Variants in OTUD7A observed in about 807,000 individuals in gnomAD.
OTUD7A encodes OTU domain-containing protein 7A.
Under a neutral mutation model 65.7 loss-of-function variants are expected in OTUD7A, and 12 were observed. The observed-to-expected ratio is 0.18, with a 90% CI of 0.12 to 0.30. The LOEUF is 0.30. Among genes scored for constraint, OTUD7A ranks in the 10% least tolerant of loss-of-function variants. The pLI, the probability that OTUD7A is intolerant of heterozygous loss-of-function variation, is 1.00. For missense variants in OTUD7A, 1,148 were observed against 1,304.8 expected (o/e 0.88, Z 1.85); for synonymous variants, 641 against 586.3 (o/e 1.09, Z -1.35).
intron 9 of OTUD7A, among the ~76,000 whole-genome samples, 172 bp from the exon 10 acceptor site, chr15:31,502,011 A>G (rs961707777): frequency 6.6e-6 from 1 of 152,148 alleles, no homozygotes; most frequent in African/African-American, 2.4e-5. Context: ...TTCCAGAGTC[A>G]TCTGTCTGCC....
chr15:31,608,927 C>G (rs570870320), intron 3 of OTUD7A, among the ~76,000 whole-genome samples: 1 of 152,214 alleles, frequency 6.6e-6, no homozygotes, highest in Non-Finnish European at 1.5e-5. Flanking sequence ...AGTGCCCAAA[C>G]TGCAGAAGCA....
intron 3 of OTUD7A, among the ~76,000 whole-genome samples, chr15:31,614,627 A>G (rs1189031054): frequency 2.6e-5 from 4 of 152,162 alleles, no homozygotes; most frequent in Non-Finnish European, 5.9e-5. Flanking sequence ...AAGCAGATGC[A>G]AAATAAAAAA....
At chr15:31,699,081 CTT>C (rs570684880) in intron 1 of OTUD7A, among the ~76,000 whole-genome samples, 21 of 128,894 alleles carry the variant, frequency 1.6e-4, no homozygotes, top group Admixed American at 3.3e-4. Flanking sequence ...GTGATTAATA[CTT>C]TTTTTTTTTT....
chr15:31,829,576 C>T (rs117034591), intron 1 of OTUD7A, among the ~76,000 whole-genome samples: 1,578 of 152,266 alleles, frequency 0.01, 14 homozygotes, highest in Non-Finnish European at 0.015. Flanking sequence ...ACCTGTAATG[C>T]GAGGCAAGTA....
chr15:31,834,910 G>A (rs979668565), intron 1 of OTUD7A, among the ~76,000 whole-genome samples: 1 of 152,214 alleles, frequency 6.6e-6, no homozygotes, highest in African/African-American at 2.4e-5. Context: ...CAAGACAAAT[G>A]AAGTGAGATC....
intron 1 of OTUD7A, among the ~76,000 whole-genome samples, chr15:31,865,247 A>G (rs1897848354): frequency 6.6e-6 from 1 of 152,258 alleles, no homozygotes; most frequent in Non-Finnish European, 1.5e-5. Context: ...AAGGCATGAA[A>G]AATTATACAT....
rs1895125299 is a variant in OTUD7A at position 31,767,642 on chromosome 15, C to T, written c.-100+102865G>A. 3 of 764,696 alleles carry T rather than the reference C, an allele frequency of 3.9e-6. No individual in the cohort carries two copies. The African/African-American group carries it at 5.1e-5, about 13-fold the overall frequency. The allele number at this position is 764,696 out of a possible 1,614,324, so 47.4% of individuals were successfully genotyped here. On this transcript the variant is annotated intron_variant, in intron 1 of 12. Coordinates refer to ENST00000307050, the MANE Select transcript of OTUD7A (RefSeq NM_001382637.1). ...CAGGTAGATCAGAATAAAATATCTC[C>T]AAACTTCTTCAACGTCTTCCTGGCT...
intron 1 of OTUD7A, among the ~76,000 whole-genome samples, chr15:31,725,923 C>A (rs1332003880): frequency 6.6e-6 from 1 of 152,072 alleles, no homozygotes; most frequent in Non-Finnish European, 1.5e-5. Flanking sequence ...GATCTGGGGG[C>A]TATGTGTTAC....
At position 31,487,842 on chromosome 15, in the gene OTUD7A, G is replaced by GA. The variant is rs1197930911; in HGVS notation, c.1172-277dup. 6.6e-6 allele frequency among the ~76,000 whole-genome samples: 1 copy of GA among 152,176 alleles called. No homozygotes were observed. The highest frequency in any genetic ancestry group is 2.4e-5 in the African/African-American group (1 of 41,448). ...GATACTCCATTGGGCAGCAGAATGG[G>GA]AAAAAAGCTATTGCTGCCTCTGCTA... On this transcript the variant is annotated intron_variant, in intron 10 of 12. Transcript: ENST00000307050. The surrounding 1 kb of genome is among the most constrained non-coding windows in gnomAD (Gnocchi z 6.0).
chr15:31,592,390 A>G (rs1299669481), intron 3 of OTUD7A, among the ~76,000 whole-genome samples: 1 of 151,794 alleles, frequency 6.6e-6, no homozygotes. Context: ...TAAAAAAAAA[A>G]TTAAACATTT....
At chr15:31,838,504 C>T (rs546059655) in intron 1 of OTUD7A, among the ~76,000 whole-genome samples, 1 of 152,260 alleles carries the variant, frequency 6.6e-6, no homozygotes, top group African/African-American at 2.4e-5. Flanking sequence ...CCCATCTGCA[C>T]CCACTGGTCT....
chr15:31,581,718 T>G (rs961253856), intron 3 of OTUD7A, among the ~76,000 whole-genome samples: 1 of 152,246 alleles, frequency 6.6e-6, no homozygotes, highest in Non-Finnish European at 1.5e-5. Context: ...GCCCTGGGCC[T>G]GGCCCATGAA....
intron 8 of OTUD7A, among the ~76,000 whole-genome samples, chr15:31,513,782 GACT>G (rs1218472091): frequency 2.0e-5 from 3 of 152,194 alleles, no homozygotes; most frequent in Non-Finnish European, 4.4e-5. Flanking sequence ...TGCCCCTGCA[GACT>G]ACTAATTTTT....
intron 3 of OTUD7A, among the ~76,000 whole-genome samples, chr15:31,606,175 C>T (rs1290037169): frequency 6.6e-6 from 1 of 152,186 alleles, no homozygotes; most frequent in East Asian, 1.9e-4. Context: ...GCAGAATAAC[C>T]TATATTTCAC....
chr15:31,751,291 A>G (rs906707216), intron 1 of OTUD7A, among the ~76,000 whole-genome samples: 1 of 149,848 alleles, frequency 6.7e-6, no homozygotes, highest in African/African-American at 2.5e-5. Flanking sequence ...GAGACATATG[A>G]GTGGCCAACA....
At chr15:31,710,245 T>C (rs1420334728) in intron 1 of OTUD7A, among the ~76,000 whole-genome samples, 2 of 149,626 alleles carry the variant, frequency 1.3e-5, no homozygotes, top group Admixed American at 6.7e-5. Context: ...CAGAAAAACG[T>C]AGATATTAAA....
At chr15:31,621,748 G>A (rs1222860088) in intron 3 of OTUD7A, among the ~76,000 whole-genome samples, 5 of 150,568 alleles carry the variant, frequency 3.3e-5, no homozygotes, top group African/African-American at 1.2e-4. Flanking sequence ...TTTAATTGGA[G>A]CATTTAGCCC....
chr15:31,587,923 T>C (rs1357161047), intron 3 of OTUD7A, among the ~76,000 whole-genome samples: 1 of 151,970 alleles, frequency 6.6e-6, no homozygotes, highest in Non-Finnish European at 1.5e-5. Flanking sequence ...CTCACTTCAT[T>C]GTGGTCTCTC....
At position 31,475,403 on chromosome 15, in the gene OTUD7A, T is replaced by C. The variant is rs1341066014; in HGVS notation, c.*7891A>G. ...CAAATAATTGGACCAACCAATACTT[T>C]ACAAACATGTTAATTTTATTGAGTA... On this transcript the variant is annotated 3_prime_UTR_variant, in exon 13 of 13. Transcript: ENST00000307050. 6.6e-6 allele frequency: 1 copy of C among 152,202 alleles called. No individual in the cohort carries two copies. Among genetic ancestry groups the C allele is most frequent in the East Asian group, 1.9e-4 (1 of 5,202 alleles). 9.4% of individuals were successfully genotyped at this position (152,202 alleles called of 1,614,324 possible).
Sources: allele counts gnomAD v4.1 joint callset (sites outside exome capture counted in the v4.1 genomes callset), GRCh38; gene constraint gnomAD v4.1.1; non-coding constraint Gnocchi (gnomAD v3.1); transcripts MANE v1.5; gene names NCBI Gene and HGNC (gene_info 2026-07-23, HGNC 2026-07-21).